PNP: variants seen among roughly 807,000 people sequenced by gnomAD.
The protein encoded by PNP is HEL-S-156an.
In PNP, 18 loss-of-function variants were observed where a neutral mutation model predicts 26.8. The observed-to-expected ratio is 0.67, with a 90% CI of 0.46 to 1.00. PNP has a LOEUF of 1.00. Among genes scored for constraint, PNP ranks in the 50% least tolerant of loss-of-function variants. PNP has a pLI of 0.00. For synonymous variants in PNP, 116 were observed against 124.8 expected, an observed-to-expected ratio of 0.93 and a Z score of 0.47; for missense variants, 320 against 362.9, an observed-to-expected ratio of 0.88 and a Z score of 0.96.
In PNP at chr14:20,472,301, C is replaced by G; in HGVS notation, c.12-7C>G. The G allele has an allele frequency of 6.2e-7, 1 of 1,612,244 alleles. No individual in the cohort carries two copies. The highest frequency in any genetic ancestry group is 2.2e-5 in the East Asian group (1 of 44,886). Reference sequence around the variant, plus strand: ...CAGAATTCACCTTGATATTTTTTCTCCCCCAGATACACCTATGAAGATTAT... The same window carrying G: ...CAGAATTCACCTTGATATTTTTTCTGCCCCAGATACACCTATGAAGATTAT... On this transcript the variant is annotated splice_region_variant and splice_polypyrimidine_tract_variant and intron_variant, in intron 1 of 5. Coordinates refer to ENST00000361505, the MANE Select transcript of PNP (RefSeq NM_000270.4).
chr14:20,469,822 C>G, intron 1 of PNP: 1 of 598,540 alleles, frequency 1.7e-6, no homozygotes, highest in South Asian at 2.0e-5. Context: ...TTGTGTGTCT[C>G]CGTGTGTGTG....
At chr14:20,475,377 A>C in intron 5 of PNP, 125 bp downstream of exon 5, 1 of 798,368 alleles carries the variant, frequency 1.3e-6, no homozygotes, top group East Asian at 2.6e-5. Flanking sequence ...AGGGTGAATT[A>C]AACTGACTTA....
chr14:20,471,875 C>G (rs2139334667), intron 1 of PNP, among the ~76,000 whole-genome samples: 1 of 152,240 alleles, frequency 6.6e-6, no homozygotes, highest in East Asian at 1.9e-4. Context: ...AGGGCTTAAT[C>G]CCATTTTGAG....
At chr14:20,475,866 T>A (rs185919604) in intron 5 of PNP, among the ~76,000 whole-genome samples, 2 of 152,332 alleles carry the variant, frequency 1.3e-5, no homozygotes, top group Admixed American at 6.5e-5. Flanking sequence ...TGGAACTCTA[T>A]CATTAGGATT....
chr14:20,470,996 C>G (rs1445191383), intron 1 of PNP, among the ~76,000 whole-genome samples: 3 of 152,020 alleles, frequency 2.0e-5, no homozygotes, highest in African/African-American at 7.2e-5. Flanking sequence ...CCCTCCAGAC[C>G]AGCAATTCCT....
chr14:20,476,257 C>A, intron 5 of PNP, 127 bp from the exon 6 acceptor site: 3 of 806,094 alleles, frequency 3.7e-6, no homozygotes, highest in Non-Finnish European at 6.4e-6. Context: ...CAGGTGTGAA[C>A]CACTGCACCC....
chr14:20,469,796 T>G (rs1489749048), intron 1 of PNP: 1 of 606,994 alleles, frequency 1.6e-6, no homozygotes, highest in Non-Finnish European at 2.9e-6. Context: ...TCTAAGCTAC[T>G]CCGTAAAAGC....
At chr14:20,475,329 A>G (rs1882080082) in intron 5 of PNP, 77 bp downstream of exon 5, 2 of 1,260,966 alleles carry the variant, frequency 1.6e-6, no homozygotes, top group Admixed American at 2.0e-5. Flanking sequence ...GTAGGAAATA[A>G]CAGGCCTCAT....
chr14:20,469,634 C>T, intron 1 of PNP, 99 bp downstream of exon 1: 2 of 1,477,624 alleles, frequency 1.4e-6, no homozygotes, highest in African/African-American at 2.8e-5. Flanking sequence ...GCGGAGGGAG[C>T]GAGCGCCCAG....
At chr14:20,474,377 T>G in intron 2 of PNP, 95 bp from the exon 3 acceptor site, 1 of 1,042,560 alleles carries the variant, frequency 9.6e-7, no homozygotes, top group South Asian at 1.3e-5. Flanking sequence ...AACCTAACAT[T>G]TTGAGCAGAG....
intron 1 of PNP, among the ~76,000 whole-genome samples, chr14:20,471,197 ATTTTTT>A (rs397960222): frequency 0.017 from 1,512 of 90,674 alleles, 30 homozygotes; most frequent in African/African-American, 0.067. Context: ...CGCCCGGCTA[ATTTTTT>A]TTTTTTTTTT....
intron 2 of PNP, 102 bp downstream of exon 2, chr14:20,472,579 T>C (rs781285617): frequency 4.5e-6 from 5 of 1,102,252 alleles, no homozygotes; most frequent in African/African-American, 1.6e-5. Context: ...ACCTAGCATT[T>C]CACTGAAGAC....
intron 1 of PNP, chr14:20,469,798 C>T (rs951939779): frequency 3.3e-6 from 2 of 604,994 alleles, no homozygotes; most frequent in Non-Finnish European, 5.9e-6. Flanking sequence ...TAAGCTACTC[C>T]GTAAAAGCAG....
chr14:20,474,204 T>TA, intron 2 of PNP: 1 of 415,226 alleles, frequency 2.4e-6, no homozygotes, highest in South Asian at 2.3e-5. Flanking sequence ...GAAATTTCTT[T>TA]AAAAAGCCCT....
chr14:20,469,422 C>T lies in PNP; in HGVS notation c.-103C>T. Reference sequence around the variant, plus strand: ...CAGTGAGCCAACTGTGCGAACCAGACCCGGCAGCCTTGCTCAGTTCAGCAT... The same window carrying T: ...CAGTGAGCCAACTGTGCGAACCAGATCCGGCAGCCTTGCTCAGTTCAGCAT... On this transcript the variant is annotated 5_prime_UTR_variant, in exon 1 of 6. Transcript: ENST00000361505. 5 of 1,478,552 alleles carry T rather than the reference C, an allele frequency of 3.4e-6. No homozygotes were observed. Among genetic ancestry groups the T allele is most frequent in the Non-Finnish European group, 4.6e-6 (5 of 1,081,992 alleles). 91.6% of individuals were successfully genotyped at this position (1,478,552 alleles called of 1,614,324 possible).
rs2139340213 is a variant in PNP, at chr14:20,476,834, C to T, written c.*233C>T. 1 of 556,026 alleles carries T rather than the reference C, an allele frequency of 1.8e-6. No individual in the cohort carries two copies. The highest frequency in any genetic ancestry group is 3.2e-5 in the East Asian group (1 of 31,342). The allele number at this position is 556,026 out of a possible 1,614,324, so 34.4% of individuals were successfully genotyped here. On this transcript the variant is annotated 3_prime_UTR_variant, in exon 6 of 6. Coordinates refer to ENST00000361505, the MANE Select transcript of PNP (RefSeq NM_000270.4). ...GAGACCTTGGCGCTACAAAATAAAG[C>T]TGTTCTCATTCCTGTTCTTTCTTAC... is the stretch of plus-strand genomic sequence containing the variant.
In PNP at chr14:20,472,374, A is replaced by G. The variant is rs1317104356; in HGVS notation, c.78A>G (p.Gln26=). ...WLLSHTKHRP[Q]VAIICGSGLG... The stretch of plus-strand genomic sequence containing the variant: ...TGTCTCACACTAAGCACCGACCTCA[A>G]GTTGCAATAATCTGTGGTTCTGGAT... Residue 26 remains glutamine (Q), a synonymous_variant, in exon 2 of 6, where the codon CAA becomes CAG. Transcript: ENST00000361505. 3 of 1,613,912 alleles carry G rather than the reference A, an allele frequency of 1.9e-6. No homozygotes were observed. Among genetic ancestry groups the G allele is most frequent in the South Asian group, 2.2e-5 (2 of 91,080 alleles).
At chr14:20,473,095 T>C (rs1485360102) in intron 2 of PNP, 1 of 152,544 alleles carries the variant, frequency 6.6e-6, no homozygotes, top group African/African-American at 2.4e-5. Flanking sequence ...AACATGTTTA[T>C]TTTTTATACT....
At chr14:20,469,799 G>C (rs1266561393) in intron 1 of PNP, 2 of 604,840 alleles carry the variant, frequency 3.3e-6, no homozygotes, top group Non-Finnish European at 5.9e-6. Context: ...AAGCTACTCC[G>C]TAAAAGCAGC....
Sources: gnomAD v4.1 joint callset for allele counts (sites outside exome capture counted in the v4.1 genomes callset) on GRCh38, gnomAD v4.1.1 for gene constraint, MANE v1.5 for transcripts, NCBI Gene and HGNC (gene_info 2026-07-23, HGNC 2026-07-21) for gene names.